The following NMBR variants were observed in gnomAD, a reference collection of about 807,000 sequenced individuals.
The protein encoded by NMBR is neuromedin B receptor, also known as neuromedin-B receptor.
In NMBR, 16 loss-of-function variants were observed where a neutral mutation model predicts 20.5. That is an observed-to-expected ratio of 0.78 (90% CI 0.53 to 1.19). The LOEUF (loss-of-function observed/expected upper bound fraction) is 1.19. Among genes scored for constraint, NMBR ranks in the 50% most tolerant of loss-of-function variants. The pLI, the probability that NMBR is intolerant of heterozygous loss-of-function variation, is 0.00. For missense variants in NMBR, 582 were observed against 499.1 expected (o/e 1.17, Z -1.58); for synonymous variants, 212 against 196.6 (o/e 1.08, Z -0.65).
chr6:142,082,615 C>T (rs760697897), intron 2 of NMBR, among the ~76,000 whole-genome samples: 9 of 152,156 alleles, frequency 5.9e-5, no homozygotes, highest in Admixed American at 4.6e-4. Flanking sequence ...GATGATAAGC[C>T]GGGTTTAGAA....
At chr6:142,111,113 G>A (rs573310575) in intron 1 of NMBR, among the ~76,000 whole-genome samples, 2 of 151,912 alleles carry the variant, frequency 1.3e-5, no homozygotes, top group Non-Finnish European at 2.9e-5. Flanking sequence ...GGTGGCATGC[G>A]CGTGTATTCC....
chr6:142,136,803 T>C (rs1562248568), intron 1 of NMBR, among the ~76,000 whole-genome samples: 1 of 152,198 alleles, frequency 6.6e-6, no homozygotes, highest in Non-Finnish European at 1.5e-5. Flanking sequence ...ATCAGATAGT[T>C]GTAGATATGC....
chr6:142,127,013 T>C (rs1412219334), intron 1 of NMBR, among the ~76,000 whole-genome samples: 1 of 151,832 alleles, frequency 6.6e-6, no homozygotes, highest in Non-Finnish European at 1.5e-5. Flanking sequence ...AACTTATCTG[T>C]ATTTTTGTTT....
At chr6:142,095,321 C>T (rs990410480) in intron 1 of NMBR, among the ~76,000 whole-genome samples, 4 of 152,104 alleles carry the variant, frequency 2.6e-5, no homozygotes, top group African/African-American at 7.2e-5. Flanking sequence ...TTTGGAGATA[C>T]GTCCCATCAA....
In NMBR at chr6:142,093,143, G is replaced by A. The variant is rs537160852; in HGVS notation, c.-663-3822C>T. On this transcript the variant is annotated intron_variant, in intron 1 of 3. Coordinates refer to ENST00000258042, the MANE Select transcript of NMBR (RefSeq NM_002511.4). Reference sequence around the variant, plus strand: ...GATGGTATCTTAGAACAAAACTTAAGAATTTTTTTTCTTTTTTTTTAATTA... The same window carrying A: ...GATGGTATCTTAGAACAAAACTTAAAAATTTTTTTTCTTTTTTTTTAATTA... Among the ~76,000 whole-genome samples, 53 of 151,742 alleles carry A rather than the reference G, an allele frequency of 3.5e-4. 1 individual carries two copies. The highest frequency in any genetic ancestry group is 3.3e-3 in the Admixed American group (50 of 15,226).
intron 1 of NMBR, among the ~76,000 whole-genome samples, chr6:142,145,291 G>T (rs573265709): frequency 9.9e-5 from 15 of 152,178 alleles, no homozygotes; most frequent in African/African-American, 3.6e-4. Flanking sequence ...AGGAACATTT[G>T]TTTCTCAGAC....
At chr6:142,091,455 G>T (rs930461456) in intron 1 of NMBR, among the ~76,000 whole-genome samples, 1 of 152,010 alleles carries the variant, frequency 6.6e-6, no homozygotes, top group South Asian at 2.1e-4. Flanking sequence ...AAATTCTTGG[G>T]CTCAAGCAAT....
At chr6:142,116,026 G>A (rs527787560) in intron 1 of NMBR, among the ~76,000 whole-genome samples, 8 of 151,960 alleles carry the variant, frequency 5.3e-5, no homozygotes, top group African/African-American at 1.7e-4. Flanking sequence ...GAGAACTGAT[G>A]GTTTTAAAAA....
At position 142,147,090 on chromosome 6, in the gene NMBR, CGGGTCTTCTGT is replaced by C. The variant is rs1221084623; in HGVS notation, c.-721_-711del. The C allele has an allele frequency of 2.4e-5, 14 of 580,606 alleles. No homozygotes were observed. The highest frequency in any genetic ancestry group is 3.7e-5 in the Non-Finnish European group (12 of 325,030). The allele number at this position is 580,606 out of a possible 1,614,324, so 36.0% of individuals were successfully genotyped here. A position where few individuals can be genotyped will look rare whatever the true frequency, so the allele number is the denominator to read the frequency against. On this transcript the variant is annotated 5_prime_UTR_variant, in exon 1 of 4. Coordinates refer to ENST00000258042, the MANE Select transcript of NMBR (RefSeq NM_002511.4). ...TGCGCGGCATAAGCGCCAAAATGCT[CGGGTCTTCTGT>C]GGGTTCTAACCGCCGAGAGCCAAGC...
chr6:142,084,352 T>C (rs1254462644), intron 2 of NMBR, among the ~76,000 whole-genome samples: 1 of 152,230 alleles, frequency 6.6e-6, no homozygotes, highest in Non-Finnish European at 1.5e-5. Flanking sequence ...AAAACTTGGA[T>C]TTTGTATTAA....
At chr6:142,114,990 A>G (rs1369073974) in intron 1 of NMBR, among the ~76,000 whole-genome samples, 2 of 152,174 alleles carry the variant, frequency 1.3e-5, no homozygotes, top group Non-Finnish European at 2.9e-5. Context: ...TCTCTAATCA[A>G]TAAGTCATAC....
chr6:142,137,741 T>A (rs1005923475), intron 1 of NMBR, among the ~76,000 whole-genome samples: 4 of 152,206 alleles, frequency 2.6e-5, no homozygotes, highest in Non-Finnish European at 4.4e-5. Flanking sequence ...TTTCTGCATC[T>A]ATTGAGATAA....
chr6:142,137,371 C>T (rs2114612424), intron 1 of NMBR, among the ~76,000 whole-genome samples: 1 of 152,234 alleles, frequency 6.6e-6, no homozygotes, highest in Non-Finnish European at 1.5e-5. Context: ...GCTGAAGTTG[C>T]TTATCAGCTT....
chr6:142,079,080 GAA>G (rs758686813), intron 2 of NMBR, among the ~76,000 whole-genome samples, 177 bp from the exon 3 acceptor site: 45 of 110,074 alleles, frequency 4.1e-4, no homozygotes, highest in South Asian at 8.7e-4. Flanking sequence ...AAGAGAGAAA[GAA>G]AGAAAGAGAG....
intron 1 of NMBR, among the ~76,000 whole-genome samples, chr6:142,117,831 T>C (rs920291025): frequency 6.6e-6 from 1 of 151,958 alleles, no homozygotes; most frequent in Non-Finnish European, 1.5e-5. Context: ...CAATCATTAA[T>C]TTTTCTCACA....
At chr6:142,124,476 T>G (rs148324940) in intron 1 of NMBR, among the ~76,000 whole-genome samples, 1 of 151,972 alleles carries the variant, frequency 6.6e-6, no homozygotes, top group East Asian at 1.9e-4. Flanking sequence ...TTTCTCCATT[T>G]TACAGATGGA....
intron 2 of NMBR, among the ~76,000 whole-genome samples, chr6:142,079,575 T>C (rs1371626142): frequency 6.6e-6 from 1 of 152,186 alleles, no homozygotes; most frequent in East Asian, 1.9e-4. Flanking sequence ...CCTTGATACT[T>C]TTCCATAGCT....
At chr6:142,102,443 A>G (rs187147064) in intron 1 of NMBR, among the ~76,000 whole-genome samples, 1 of 151,908 alleles carries the variant, frequency 6.6e-6, no homozygotes, top group Non-Finnish European at 1.5e-5. Context: ...CTGTTCATTG[A>G]TCCCCTACAA....
intron 1 of NMBR, among the ~76,000 whole-genome samples, chr6:142,141,178 C>A (rs1251804923): frequency 2.6e-5 from 4 of 151,988 alleles, no homozygotes; most frequent in African/African-American, 9.7e-5. Flanking sequence ...ATTTGCTGGC[C>A]CATAAGAAAG....
Sources: gnomAD v4.1 joint callset for allele counts (sites outside exome capture counted in the v4.1 genomes callset) on GRCh38, gnomAD v4.1.1 for gene constraint, MANE v1.5 for transcripts, NCBI Gene and HGNC (gene_info 2026-07-23, HGNC 2026-07-21) for gene names.